Variants in SOX5 observed in about 807,000 individuals in gnomAD.
SOX5 encodes SRY-box transcription factor 5, also known as transcription factor SOX-5.
Under a neutral mutation model 92.0 loss-of-function variants are expected in SOX5, and 9 were observed. The observed-to-expected ratio is 0.10, with a 90% CI of 0.06 to 0.17. The LOEUF is 0.17. SOX5 is among the 10% of genes least tolerant of loss of function. The probability of loss-of-function intolerance (pLI) is 1.00; values close to 1 mark genes in which losing one functional copy is unlikely to be tolerated. For synonymous variants in SOX5, 344 were observed against 336.3 expected (o/e 1.02, Z -0.25); for missense variants, 642 against 944.5 (o/e 0.68, Z 4.20).
intron 2 of SOX5, among the ~76,000 whole-genome samples, chr12:23,876,552 T>C (rs1292451716): frequency 1.3e-5 from 2 of 152,156 alleles, no homozygotes; most frequent in Admixed American, 1.3e-4. Context: ...AGTTCAACCA[T>C]TGTGGAAGAC....
chr12:24,426,540 A>T (rs996225514), intron 1 of SOX5, among the ~76,000 whole-genome samples: 1 of 152,238 alleles, frequency 6.6e-6, no homozygotes, highest in Non-Finnish European at 1.5e-5. Context: ...CACATTTATC[A>T]TTGAAGGTGA....
At chr12:24,298,805 AT>A (rs894996006) in intron 2 of SOX5, among the ~76,000 whole-genome samples, 16 of 121,054 alleles carry the variant, frequency 1.3e-4, no homozygotes, top group African/African-American at 4.4e-4. Context: ...AAAAAACTAC[AT>A]TTTTTTAACC....
chr12:23,765,389 A>AAAAC lies in SOX5; in HGVS notation c.482-9666_482-9665insGTTT, dbSNP rs751458460. On this transcript the variant is annotated intron_variant, in intron 3 of 14. Coordinates refer to ENST00000451604, the MANE Select transcript of SOX5 (RefSeq NM_006940.6). ...GAAGTCAAAAGTGTAAAACAGCAAA[A>AAAAC]AAAAAAAAAAAAAAAAAAAAAAGAG... Among the ~76,000 whole-genome samples the AAAAC allele has an allele frequency of 6.2e-5, 9 of 145,864 alleles. 1 individual carries two copies. The highest frequency in any genetic ancestry group is 2.7e-4 in the Admixed American group (4 of 14,728).
intron 3 of SOX5, among the ~76,000 whole-genome samples, chr12:23,806,811 C>T: frequency 6.6e-6 from 1 of 152,116 alleles, no homozygotes; most frequent in East Asian, 1.9e-4. Flanking sequence ...TTTCCAGTCA[C>T]AAGGTACTAT....
intron 8 of SOX5, among the ~76,000 whole-genome samples, chr12:23,631,257 A>C (rs2078496034): frequency 6.6e-6 from 1 of 152,062 alleles, no homozygotes; most frequent in Non-Finnish European, 1.5e-5. Context: ...TTTTACTCCG[A>C]AGATTGAATT....
rs569550647 is a variant in SOX5 at position 24,405,894 on chromosome 12, C to T, written c.-250-37255G>A. On this transcript the variant is annotated intron_variant, in intron 1 of 4. Transcript: ENST00000446891. ...AAGAGGCTATTGGATAGAGCTGCTG[C>T]TGATGCCAAGTCCCATCTTTCCCTG... is the stretch of plus-strand genomic sequence containing the variant. 1.6e-4 allele frequency among the ~76,000 whole-genome samples: 25 copies of T among 152,284 alleles called. No homozygotes were observed. The South Asian group carries it at 5.0e-3, about 30-fold the overall frequency.
chr12:23,875,758 C>T (rs2096920934), intron 2 of SOX5, among the ~76,000 whole-genome samples: 1 of 152,196 alleles, frequency 6.6e-6, no homozygotes, highest in African/African-American at 2.4e-5. Flanking sequence ...CTTACAAGAA[C>T]TGTTTAAGCA....
intron 4 of SOX5, among the ~76,000 whole-genome samples, chr12:24,159,905 A>G (rs1593749598): frequency 6.6e-6 from 1 of 152,192 alleles, no homozygotes; most frequent in Non-Finnish European, 1.5e-5. Flanking sequence ...CAACAACAAC[A>G]GATAACGGGA....
chr12:23,581,893 A>AATAT (rs146346074), intron 9 of SOX5, among the ~76,000 whole-genome samples: 1 of 149,910 alleles, frequency 6.7e-6, no homozygotes, highest in African/African-American at 2.4e-5. Context: ...TGATTGAAAA[A>AATAT]ATATATATAT....
intron 6 of SOX5, among the ~76,000 whole-genome samples, chr12:23,734,073 A>C (rs1440376351): frequency 6.6e-6 from 1 of 152,230 alleles, no homozygotes; most frequent in Non-Finnish European, 1.5e-5. Flanking sequence ...TGTGGAAACA[A>C]GACATCACTG....
intron 3 of SOX5, among the ~76,000 whole-genome samples, chr12:23,839,440 A>C (rs1192779714): frequency 6.6e-6 from 1 of 152,150 alleles, no homozygotes; most frequent in East Asian, 1.9e-4. Context: ...TGAACTCTAA[A>C]GGCATCTCAA....
At chr12:23,994,443 A>G (rs1330144298) in intron 4 of SOX5, among the ~76,000 whole-genome samples, 1 of 152,202 alleles carries the variant, frequency 6.6e-6, no homozygotes, top group Non-Finnish European at 1.5e-5. Flanking sequence ...ATATGTATAG[A>G]TAGGTATATA....
chr12:23,807,042 A>C (rs1454756765), intron 3 of SOX5, among the ~76,000 whole-genome samples: 1 of 152,218 alleles, frequency 6.6e-6, no homozygotes, highest in African/African-American at 2.4e-5. Context: ...CCCAGTTAAA[A>C]GTCCACTTAG....
chr12:24,191,972 A>G (rs1594110372), intron 4 of SOX5, among the ~76,000 whole-genome samples: 3 of 152,234 alleles, frequency 2.0e-5, no homozygotes, highest in South Asian at 4.1e-4. Flanking sequence ...TTTCTAATTA[A>G]GGATTATATG....
chr12:23,617,795 C>A (rs1441824053), intron 8 of SOX5, among the ~76,000 whole-genome samples: 1 of 150,284 alleles, frequency 6.7e-6, no homozygotes, highest in African/African-American at 2.5e-5. Context: ...AAAAAAAAAA[C>A]ATTTTGACTT....
At chr12:23,727,211 A>G (rs1245997250) in intron 6 of SOX5, among the ~76,000 whole-genome samples, 1 of 152,182 alleles carries the variant, frequency 6.6e-6, no homozygotes, top group African/African-American at 2.4e-5. Flanking sequence ...ACGTCAATAT[A>G]GTAATCAGCT....
intron 4 of SOX5, among the ~76,000 whole-genome samples, chr12:24,064,699 A>T (rs1324436962): frequency 6.6e-6 from 1 of 152,222 alleles, no homozygotes; most frequent in South Asian, 2.1e-4. Context: ...TTTTGTTCCC[A>T]GCTGTATCCT....
chr12:23,659,645 T>C (rs1426184377), intron 7 of SOX5, among the ~76,000 whole-genome samples: 1 of 152,148 alleles, frequency 6.6e-6, no homozygotes, highest in South Asian at 2.1e-4. Context: ...ACATGAGCTC[T>C]AATAAAAGGA....
At chr12:23,754,653 TCATGTAGGCCAAA>T (rs1489231992) in intron 4 of SOX5, among the ~76,000 whole-genome samples, 21 of 152,014 alleles carry the variant, frequency 1.4e-4, no homozygotes, top group South Asian at 4.1e-4. Context: ...GATGTTCATG[TCATGTAGGCCAAA>T]CATTTAAGAC....
Sources: allele counts gnomAD v4.1 joint callset (sites outside exome capture counted in the v4.1 genomes callset), GRCh38; gene constraint gnomAD v4.1.1; transcripts MANE v1.5; gene names NCBI Gene and HGNC (gene_info 2026-07-23, HGNC 2026-07-21).